The following PPA2 variants were observed in gnomAD, a reference collection of about 807,000 sequenced individuals.
PPA2 encodes the protein inorganic pyrophosphatase 2, also known as inorganic pyrophosphatase 2, mitochondrial.
A neutral mutation model predicts 49.5 loss-of-function variants in PPA2; 48 were observed. The observed-to-expected ratio is 0.97, with a 90% confidence interval of 0.77 to 1.23. PPA2 has a LOEUF of 1.23. PPA2 is among the 50% of genes most tolerant of loss of function. The pLI is 0.00. For missense variants in PPA2, 429 were observed against 410.1 expected (o/e 1.05, Z -0.40); for synonymous variants, 131 against 139.9 (o/e 0.94, Z 0.45).
intron 1 of PPA2, among the ~76,000 whole-genome samples, chr4:105,457,600 C>CT (rs140412004): frequency 0.12 from 17,853 of 151,488 alleles, 1,104 homozygotes; most frequent in African/African-American, 0.13. Flanking sequence ...TTTCTTTCTT[C>CT]TTTTTTTTTG....
chr4:105,418,432 T>C (rs1258489056), intron 7 of PPA2, among the ~76,000 whole-genome samples: 1 of 152,236 alleles, frequency 6.6e-6, no homozygotes, highest in East Asian at 1.9e-4. Flanking sequence ...TATTTATTTT[T>C]GCCTTGAAAG....
chr4:105,412,934 A>C (rs377102335), intron 7 of PPA2, among the ~76,000 whole-genome samples: 1 of 152,210 alleles, frequency 6.6e-6, no homozygotes, highest in African/African-American at 2.4e-5. Context: ...GCGATTCCTC[A>C]AGGATCTAGA....
intron 6 of PPA2, 86 bp downstream of exon 6, chr4:105,437,864 G>T: frequency 1.0e-6 from 1 of 972,366 alleles, no homozygotes; most frequent in Non-Finnish European, 1.5e-6. Flanking sequence ...ACTCTGAAGA[G>T]TTGAAGAACT....
chr4:105,379,929 C>T (rs935984352), intron 10 of PPA2, among the ~76,000 whole-genome samples: 2 of 152,120 alleles, frequency 1.3e-5, no homozygotes, highest in African/African-American at 4.8e-5. Context: ...CCACTGTGCC[C>T]GGTCTGCAAT....
intron 7 of PPA2, among the ~76,000 whole-genome samples, chr4:105,421,540 A>C (rs1723252778): frequency 6.6e-6 from 1 of 152,174 alleles, no homozygotes; most frequent in African/African-American, 2.4e-5. Flanking sequence ...AAGTTGCTTG[A>C]TTTAGGATTA....
At chr4:105,422,372 T>G (rs563839626) in intron 7 of PPA2, among the ~76,000 whole-genome samples, 1 of 152,234 alleles carries the variant, frequency 6.6e-6, no homozygotes, top group Non-Finnish European at 1.5e-5. Context: ...TGCATATCTC[T>G]TCATAAAAGC....
rs114494079 is a variant in PPA2 at position 105,439,005 on chromosome 4, T to C, written c.442-969A>G. ...ATTCAGAAATAACCTGGCCTAACTTTATCTTAAAAAAAAAAATCAATAAAT... is the reference window on the plus strand; with the variant it reads ...ATTCAGAAATAACCTGGCCTAACTTCATCTTAAAAAAAAAAATCAATAAAT... On this transcript the variant is annotated intron_variant, in intron 5 of 11. Transcript: ENST00000341695. Among the ~76,000 whole-genome samples the C allele has an allele frequency of 1.9e-3, 291 of 152,110 alleles. 2 individuals carry two copies. Among genetic ancestry groups the C allele is most frequent in the African/African-American group, 6.6e-3 (273 of 41,496 alleles).
intron 7 of PPA2, among the ~76,000 whole-genome samples, chr4:105,400,747 C>T (rs1734331985): frequency 6.6e-6 from 1 of 152,076 alleles, no homozygotes; most frequent in South Asian, 2.1e-4. Context: ...ATTTTTGTTA[C>T]TTAACTCACT....
At chr4:105,386,698 C>A (rs973728938) in intron 9 of PPA2, 62 bp from the exon 10 acceptor site, 8 of 1,386,126 alleles carry the variant, frequency 5.8e-6, no homozygotes, top group Admixed American at 3.6e-5. Flanking sequence ...ACCAAAAAAA[C>A]CCCAAAAACT....
intron 10 of PPA2, among the ~76,000 whole-genome samples, chr4:105,379,587 C>A (rs1351633606): frequency 2.0e-5 from 3 of 151,738 alleles, no homozygotes; most frequent in African/African-American, 7.3e-5. Flanking sequence ...CCTCAGCCTC[C>A]CCAGTAGCTG....
At chr4:105,382,461 T>C (rs559515830) in intron 10 of PPA2, among the ~76,000 whole-genome samples, 6 of 152,182 alleles carry the variant, frequency 3.9e-5, no homozygotes, top group Admixed American at 2.6e-4. Context: ...TAACCCCCAA[T>C]AGTCAAATCA....
chr4:105,424,481 G>A lies in PPA2; in HGVS notation c.529-159C>T, dbSNP rs111370159. Among the ~76,000 whole-genome samples the A allele has an allele frequency of 0.02, 3,104 of 151,480 alleles. 48 individuals carry two copies. Among genetic ancestry groups the A allele is most frequent in the Middle Eastern group, 0.061 (18 of 294 alleles). On this transcript the variant is annotated intron_variant, in intron 6 of 11. Coordinates refer to ENST00000341695, the MANE Select transcript of PPA2 (RefSeq NM_176869.3). ...AAATAGCCAAAGTCTGCCTTGCAATGTCCCTTTAGAGTTAACTTTCTCAAA... is the reference window on the plus strand; with the variant it reads ...AAATAGCCAAAGTCTGCCTTGCAATATCCCTTTAGAGTTAACTTTCTCAAA...
chr4:105,379,910 A>C (rs1225892694), intron 10 of PPA2, among the ~76,000 whole-genome samples: 1 of 152,190 alleles, frequency 6.6e-6, no homozygotes, highest in African/African-American at 2.4e-5. Context: ...CTGGGATTAC[A>C]GGCGTGAGCC....
intron 10 of PPA2, among the ~76,000 whole-genome samples, chr4:105,377,257 G>A (rs1032668996): frequency 1.3e-5 from 2 of 152,080 alleles, no homozygotes; most frequent in African/African-American, 4.8e-5. Flanking sequence ...GGAATAGAAG[G>A]GATTTCTCTC....
At chr4:105,405,123 G>T (rs907674597) in intron 7 of PPA2, 11 of 535,508 alleles carry the variant, frequency 2.1e-5, no homozygotes, top group Admixed American at 1.3e-4. Context: ...ACACAAACAT[G>T]AGTTAATTTT....
intron 6 of PPA2, among the ~76,000 whole-genome samples, chr4:105,435,363 A>G (rs772783839): frequency 6.6e-6 from 1 of 152,204 alleles, no homozygotes; most frequent in Non-Finnish European, 1.5e-5. Context: ...GAATTGTTCC[A>G]TGTTTTTCAC....
intron 5 of PPA2, among the ~76,000 whole-genome samples, chr4:105,439,410 C>G (rs1259922760): frequency 6.6e-6 from 1 of 152,168 alleles, no homozygotes; most frequent in Non-Finnish European, 1.5e-5. Flanking sequence ...TTCTCTTACT[C>G]TGAGCAATCT....
At chr4:105,430,883 C>A (rs1340333254) in intron 6 of PPA2, among the ~76,000 whole-genome samples, 2 of 152,158 alleles carry the variant, frequency 1.3e-5, no homozygotes, top group Non-Finnish European at 2.9e-5. Flanking sequence ...TCTTCACTTA[C>A]AAAAACTAGT....
chr4:105,388,054 G>C (rs1353009990), intron 9 of PPA2, among the ~76,000 whole-genome samples: 1 of 146,670 alleles, frequency 6.8e-6, no homozygotes, highest in Non-Finnish European at 1.5e-5. Flanking sequence ...ATGAAGGTGA[G>C]AGAACAGGGG....
Sources: gnomAD v4.1 joint callset for allele counts (sites outside exome capture counted in the v4.1 genomes callset) on GRCh38, gnomAD v4.1.1 for gene constraint, MANE v1.5 for transcripts, NCBI Gene and HGNC (gene_info 2026-07-23, HGNC 2026-07-21) for gene names.